The following CMTM8 variants were observed in gnomAD, a reference collection of about 807,000 sequenced individuals.
CMTM8 encodes the protein CKLF-like MARVEL transmembrane domain-containing protein 8.
Under a neutral mutation model 18.6 loss-of-function variants are expected in CMTM8, and 12 were observed. That is an observed-to-expected ratio of 0.65 (90% confidence interval 0.41 to 1.05). The LOEUF (loss-of-function observed/expected upper bound fraction) is 1.05, where lower values mean the gene tolerates loss of function less well. CMTM8 is among the 50% of genes least tolerant of loss of function. The pLI, the probability that CMTM8 is intolerant of heterozygous loss-of-function variation, is 0.00. For missense variants in CMTM8, 217 were observed against 227.2 expected (o/e 0.95, Z 0.29); for synonymous variants, 87 against 90.6 (o/e 0.96, Z 0.23).
intron 2 of CMTM8, among the ~76,000 whole-genome samples, chr3:32,367,386 T>G (rs1405395912): frequency 6.6e-6 from 1 of 152,196 alleles, no homozygotes; most frequent in African/African-American, 2.4e-5. Flanking sequence ...AGGAGCTCAT[T>G]TAAATATCCC....
In CMTM8 at chr3:32,332,431, G is replaced by A. The variant is rs114943057; in HGVS notation, c.148-24942G>A. ...AGAATCTCAAGCAAAATCACAGTGG[G>A]TTTTGATACCTGGGGAGTGGCAGAG... is the stretch of plus-strand genomic sequence containing the variant. On this transcript the variant is annotated intron_variant, in intron 1 of 3. Coordinates refer to ENST00000307526, the MANE Select transcript of CMTM8 (RefSeq NM_178868.5). 5.9e-3 allele frequency among the ~76,000 whole-genome samples: 891 copies of A among 152,132 alleles called. 10 individuals carry two copies. Among genetic ancestry groups the A allele is most frequent in the South Asian group, 0.032 (155 of 4,814 alleles).
chr3:32,341,346 A>G (rs1476246784), intron 1 of CMTM8, among the ~76,000 whole-genome samples: 8 of 152,208 alleles, frequency 5.3e-5, no homozygotes, highest in Non-Finnish European at 1.2e-4. Flanking sequence ...ATCCCTAAGA[A>G]CACGGCAGGA....
chr3:32,257,700 CGA>C (rs1370228152), intron 1 of CMTM8, among the ~76,000 whole-genome samples: 1 of 151,532 alleles, frequency 6.6e-6, no homozygotes, highest in Non-Finnish European at 1.5e-5. Flanking sequence ...CTTTGTTTAC[CGA>C]GAGACCACTT....
chr3:32,342,077 G>A (rs561693987), intron 1 of CMTM8, among the ~76,000 whole-genome samples: 2 of 151,852 alleles, frequency 1.3e-5, no homozygotes, highest in African/African-American at 2.4e-5. Flanking sequence ...GGGAAACCCC[G>A]TCTCTACTAA....
At chr3:32,298,837 A>ATG (rs148915696) in intron 1 of CMTM8, among the ~76,000 whole-genome samples, 2 of 140,050 alleles carry the variant, frequency 1.4e-5, no homozygotes, top group South Asian at 2.2e-4. Context: ...GTGTATATAT[A>ATG]TGTGTGTGTG....
At chr3:32,352,681 C>T (rs1306127437) in intron 1 of CMTM8, among the ~76,000 whole-genome samples, 1 of 152,120 alleles carries the variant, frequency 6.6e-6, no homozygotes, top group Non-Finnish European at 1.5e-5. Flanking sequence ...GCAATTGTCA[C>T]CCTTAGAGGA....
chr3:32,242,656 T>G (rs755648138), intron 1 of CMTM8, among the ~76,000 whole-genome samples: 50 of 152,246 alleles, frequency 3.3e-4, no homozygotes, highest in Non-Finnish European at 6.8e-4. Flanking sequence ...ATTATTTATC[T>G]CCCTCTACCC....
chr3:32,292,618 A>ATAC (rs1414941811), intron 1 of CMTM8, among the ~76,000 whole-genome samples: 18 of 152,126 alleles, frequency 1.2e-4, no homozygotes, highest in African/African-American at 3.9e-4. Flanking sequence ...TAAACAAAGG[A>ATAC]TACTGTTTAT....
chr3:32,324,372 T>C (rs1020294120), intron 1 of CMTM8, among the ~76,000 whole-genome samples: 1 of 152,226 alleles, frequency 6.6e-6, no homozygotes, highest in Admixed American at 6.5e-5. Flanking sequence ...AAGGGTTCCC[T>C]GGGCCTTTCC....
In CMTM8 at chr3:32,362,046, C is replaced by CTTTTCTTTT. The variant is rs1553608240; in HGVS notation, c.321+4504_321+4505insCTTTTTTTT. Among the ~76,000 whole-genome samples the CTTTTCTTTT allele has an allele frequency of 6.9e-3, 631 of 92,094 alleles. 18 individuals are homozygous for CTTTTCTTTT. Among genetic ancestry groups the CTTTTCTTTT allele is most frequent in the African/African-American group, 0.023 (579 of 25,380 alleles). 60.4% of individuals were successfully genotyped at this position (92,094 alleles called of 152,430 possible). On this transcript the variant is annotated intron_variant, in intron 2 of 3. Coordinates refer to ENST00000307526, the MANE Select transcript of CMTM8 (RefSeq NM_178868.5). Reference sequence around the variant, plus strand: ...GTTAAAGCAGCTACTATTTTCTTTTCTTTTTTTTTTTGGAGATGGAGTCTT... The same window carrying CTTTTCTTTT: ...GTTAAAGCAGCTACTATTTTCTTTTCTTTTCTTTTTTTTTTTTTTTGGAGATGGAGTCTT...
intron 1 of CMTM8, among the ~76,000 whole-genome samples, chr3:32,350,337 C>T (rs563454437): frequency 3.3e-5 from 5 of 150,844 alleles, no homozygotes; most frequent in South Asian, 2.1e-4. Context: ...GTCAGTTATC[C>T]ATTGTTCATA....
At chr3:32,333,138 C>T (rs948517068) in intron 1 of CMTM8, among the ~76,000 whole-genome samples, 9 of 152,200 alleles carry the variant, frequency 5.9e-5, no homozygotes, top group East Asian at 5.8e-4. Context: ...AAGCAGCCAA[C>T]GACATATGCA....
At chr3:32,277,277 G>C (rs1391528433) in intron 1 of CMTM8, among the ~76,000 whole-genome samples, 1 of 152,196 alleles carries the variant, frequency 6.6e-6, no homozygotes, top group Non-Finnish European at 1.5e-5. Context: ...TGTCCAGGGA[G>C]GCCCTACATG....
At chr3:32,369,584 G>C (rs1367168040) in intron 3 of CMTM8, among the ~76,000 whole-genome samples, 1 of 152,148 alleles carries the variant, frequency 6.6e-6, no homozygotes, top group Non-Finnish European at 1.5e-5. Flanking sequence ...TAGATTGCCT[G>C]TGCTACATTA....
chr3:32,241,238 T>C (rs1020438025), intron 1 of CMTM8, among the ~76,000 whole-genome samples: 3 of 152,196 alleles, frequency 2.0e-5, no homozygotes, highest in Non-Finnish European at 4.4e-5. Flanking sequence ...CCATTGCCTT[T>C]CTACTCTGAA....
intron 1 of CMTM8, among the ~76,000 whole-genome samples, chr3:32,262,274 G>A (rs993804450): frequency 2.6e-5 from 4 of 152,192 alleles, no homozygotes; most frequent in Non-Finnish European, 5.9e-5. Context: ...CTGCCAGCAG[G>A]AACAAAGAGG....
In CMTM8 at chr3:32,246,220, A is replaced by G. The variant is rs192851047; in HGVS notation, c.147+7101A>G. Among the ~76,000 whole-genome samples the G allele has an allele frequency of 2.0e-5, 3 of 152,016 alleles. No homozygotes were observed. In the East Asian group the frequency reaches 5.8e-4, roughly 29 times the overall value. On this transcript the variant is annotated intron_variant, in intron 1 of 3. Transcript: ENST00000307526. ...TCCTTCACATTCCCTCTCCACCCTG[A>G]TCCTGCATGGACTTATTAAGGGCCC...
At chr3:32,346,661 A>T (rs151158419) in intron 1 of CMTM8, among the ~76,000 whole-genome samples, 4 of 152,248 alleles carry the variant, frequency 2.6e-5, no homozygotes, top group Admixed American at 6.5e-5. Flanking sequence ...TGAGAGGTTT[A>T]GACTGCATCT....
intron 1 of CMTM8, among the ~76,000 whole-genome samples, chr3:32,298,699 G>A (rs2125561390): frequency 6.6e-6 from 1 of 150,408 alleles, no homozygotes; most frequent in Non-Finnish European, 1.5e-5. Context: ...GCAGTGGTGC[G>A]ATCTCAGCTC....
Sources: gnomAD v4.1 joint callset for allele counts (sites outside exome capture counted in the v4.1 genomes callset) on GRCh38, gnomAD v4.1.1 for gene constraint, MANE v1.5 for transcripts, NCBI Gene and HGNC (gene_info 2026-07-23, HGNC 2026-07-21) for gene names.